The following RALY variants were observed in gnomAD, a reference collection of about 807,000 sequenced individuals.
The protein encoded by RALY is RALY heterogeneous nuclear ribonucleoprotein.
Under a neutral mutation model 30.7 loss-of-function variants are expected in RALY, and 15 were observed. The observed-to-expected ratio is 0.49, with a 90% CI of 0.33 to 0.75. The LOEUF (loss-of-function observed/expected upper bound fraction) is 0.75. Among genes scored for constraint, RALY ranks in the 30% least tolerant of loss-of-function variants. RALY has a pLI of 0.02. For missense variants in RALY, 339 were observed against 414.3 expected, an observed-to-expected ratio of 0.82 and a Z score of 1.58; for synonymous variants, 177 against 170.8, an observed-to-expected ratio of 1.04 and a Z score of -0.28.
At chr20:34,044,670 A>G (rs550168962) in intron 2 of RALY, among the ~76,000 whole-genome samples, 1 of 152,296 alleles carries the variant, frequency 6.6e-6, no homozygotes, top group East Asian at 1.9e-4. Flanking sequence ...GAGGCCAAGC[A>G]AATATCAAAA....
chr20:33,996,752 A>C (rs1237976660), intron 1 of RALY, among the ~76,000 whole-genome samples: 1 of 152,058 alleles, frequency 6.6e-6, no homozygotes, highest in Non-Finnish European at 1.5e-5. Context: ...TATCTTCCCC[A>C]ACTGAAATTC....
intron 1 of RALY, among the ~76,000 whole-genome samples, chr20:34,015,945 C>T (rs1324882724): frequency 2.0e-5 from 3 of 152,088 alleles, no homozygotes; most frequent in Non-Finnish European, 4.4e-5. Context: ...CTCCTCCTCC[C>T]GTATGTGCAC....
chr20:34,030,586 A>G (rs1029247051), intron 1 of RALY, among the ~76,000 whole-genome samples: 6 of 152,252 alleles, frequency 3.9e-5, no homozygotes, highest in Non-Finnish European at 8.8e-5. Flanking sequence ...AGCCTGGGCC[A>G]CAAGTGAGAC....
chr20:34,051,645 G>T (rs2033081968), intron 2 of RALY, among the ~76,000 whole-genome samples: 1 of 152,098 alleles, frequency 6.6e-6, no homozygotes, highest in Non-Finnish European at 1.5e-5. Context: ...GCCCAGGCTG[G>T]AGTGCAGTGG....
Position 34,021,768 on chromosome 20 carries a change from A to G in RALY, c.-92-9754A>G, listed in dbSNP as rs2031830498. 3.3e-5 allele frequency among the ~76,000 whole-genome samples: 5 copies of G among 152,288 alleles called. No homozygotes were observed. The South Asian group carries it at 1.0e-3, about 32-fold the overall frequency. On this transcript the variant is annotated intron_variant, in intron 1 of 9. Transcript: ENST00000246194. ...CTCAGAAGTTCGGGTGAATATAATA[A>G]GTAGAATATGGTGAGTAGAATAAAG...
chr20:34,028,730 A>T (rs1019779252), intron 1 of RALY, among the ~76,000 whole-genome samples: 2 of 150,946 alleles, frequency 1.3e-5, no homozygotes, highest in South Asian at 2.1e-4. Flanking sequence ...AAAAAAAAAA[A>T]AAAACATGGC....
At chr20:34,071,799 G>C (rs1445542985) in intron 2 of RALY, among the ~76,000 whole-genome samples, 2 of 152,166 alleles carry the variant, frequency 1.3e-5, no homozygotes, top group Admixed American at 6.5e-5. Context: ...CTGAATGTGA[G>C]ATTTCTCCCT....
At chr20:34,072,030 CA>C in intron 2 of RALY, 35 bp from the exon 3 acceptor site, 1 of 1,602,496 alleles carries the variant, frequency 6.2e-7, no homozygotes, top group Non-Finnish European at 8.5e-7. Flanking sequence ...GAGCCCAGCC[CA>C]GGGACCCAGC....
At chr20:34,021,257 C>G (rs963528250) in intron 1 of RALY, among the ~76,000 whole-genome samples, 1 of 152,152 alleles carries the variant, frequency 6.6e-6, no homozygotes, top group African/African-American at 2.4e-5. Context: ...GCCACTGTGC[C>G]AGGCTGAAAG....
At chr20:34,051,627 G>A (rs578093025) in intron 2 of RALY, among the ~76,000 whole-genome samples, 3 of 151,852 alleles carry the variant, frequency 2.0e-5, no homozygotes, top group African/African-American at 4.8e-5. Flanking sequence ...ACAGAGTCTC[G>A]CTCTGTTGCC....
At chr20:34,057,624 G>A (rs894642148) in intron 2 of RALY, among the ~76,000 whole-genome samples, 7 of 140,030 alleles carry the variant, frequency 5.0e-5, no homozygotes, top group African/African-American at 7.9e-5. Flanking sequence ...CCGAGATGGC[G>A]CCACTGCACT....
At chr20:34,005,081 C>T (rs1475049310) in intron 1 of RALY, among the ~76,000 whole-genome samples, 1 of 152,166 alleles carries the variant, frequency 6.6e-6, no homozygotes, top group Non-Finnish European at 1.5e-5. Context: ...TCATGTTAAA[C>T]ATTAGTCAGC....
intron 1 of RALY, among the ~76,000 whole-genome samples, chr20:34,004,015 A>G (rs188036369): frequency 2.0e-5 from 3 of 152,136 alleles, no homozygotes; most frequent in Non-Finnish European, 4.4e-5. Flanking sequence ...GTTGTTGTAA[A>G]TACTTGGCAT....
intron 1 of RALY, among the ~76,000 whole-genome samples, chr20:34,006,926 A>G (rs1200040237): frequency 6.6e-6 from 1 of 152,230 alleles, no homozygotes; most frequent in East Asian, 1.9e-4. Context: ...TTGTTGAAGA[A>G]GCTGGATGTT....
chr20:34,077,563 G>C (rs768070106), intron 8 of RALY: 2 of 468,052 alleles, frequency 4.3e-6, no homozygotes, highest in Non-Finnish European at 7.7e-6. Context: ...CAGAGCTTCA[G>C]AGCAGGGCTG....
chr20:34,074,054 C>T (rs1315139246), intron 5 of RALY, among the ~76,000 whole-genome samples, 188 bp downstream of exon 5: 2 of 152,182 alleles, frequency 1.3e-5, no homozygotes. Context: ...GGCCAGAGCT[C>T]CTACCACCAT....
rs1323115331 is a variant in RALY at position 34,081,428 on chromosome 20, G to C, written c.*1523G>C. Reference sequence around the variant, plus strand: ...CCCTCCGACTGCTCTTTAATTGCCTGTTCTCTCCTCTGGAAGCCTTCCCCC... The same window carrying C: ...CCCTCCGACTGCTCTTTAATTGCCTCTTCTCTCCTCTGGAAGCCTTCCCCC... On this transcript the variant is annotated 3_prime_UTR_variant, in exon 10 of 10. Coordinates refer to ENST00000246194, the MANE Select transcript of RALY (RefSeq NM_016732.3). 6.6e-6 allele frequency: 1 copy of C among 152,180 alleles called. No homozygotes were observed. Among genetic ancestry groups the C allele is most frequent in the African/African-American group, 2.4e-5 (1 of 41,408 alleles). 9.4% of individuals were successfully genotyped at this position (152,180 alleles called of 1,614,324 possible).
intron 6 of RALY, 151 bp from the exon 7 acceptor site, chr20:34,076,551 C>G: frequency 1.5e-6 from 1 of 654,064 alleles, no homozygotes; most frequent in Non-Finnish European, 2.6e-6. Context: ...GCCAGGTAGT[C>G]TAAGGAGGAG....
intron 1 of RALY, among the ~76,000 whole-genome samples, chr20:34,004,091 C>T (rs2031052522): frequency 6.6e-6 from 1 of 152,136 alleles, no homozygotes; most frequent in Non-Finnish European, 1.5e-5. Flanking sequence ...AAGAACCATA[C>T]TATGAATTCT....
Sources: gnomAD v4.1 joint callset for allele counts (sites outside exome capture counted in the v4.1 genomes callset) on GRCh38, gnomAD v4.1.1 for gene constraint, MANE v1.5 for transcripts, NCBI Gene and HGNC (gene_info 2026-07-23, HGNC 2026-07-21) for gene names.